Variants in LINGO2 observed in about 807,000 individuals in gnomAD.
LINGO2 encodes leucine rich repeat and Ig domain containing 2, also known as leucine-rich repeat and immunoglobulin-like domain-containing nogo receptor-interacting protein 2.
A neutral mutation model predicts 30.6 loss-of-function variants in LINGO2; 14 were observed. The ratio of observed to expected loss-of-function variants is 0.46; its 90% CI spans 0.30 to 0.72. The LOEUF is 0.72. Among genes scored for constraint, LINGO2 ranks in the 30% least tolerant of loss-of-function variants. The probability of loss-of-function intolerance (pLI) is 0.07; values close to 1 mark genes in which losing one functional copy is unlikely to be tolerated. For missense variants in LINGO2, 729 were observed against 751.7 expected, an observed-to-expected ratio of 0.97 and a Z score of 0.35; for synonymous variants, 317 against 288.5, an observed-to-expected ratio of 1.10 and a Z score of -1.00.
chr9:28,280,620 G>T (rs1024058046), intron 4 of LINGO2, among the ~76,000 whole-genome samples: 11 of 152,076 alleles, frequency 7.2e-5, no homozygotes, highest in African/African-American at 2.2e-4. Context: ...TTGGGGTAGA[G>T]GTAAAACATC....
chr9:28,839,836 C>T, the LINGO2 span, among the ~76,000 whole-genome samples: 98 of 152,152 alleles, frequency 6.4e-4, no homozygotes, highest in African/African-American at 2.3e-3. Context: ...AGGCTATCTG[C>T]CTCCTGCTGG....
intron 4 of LINGO2, among the ~76,000 whole-genome samples, chr9:28,039,959 A>G (rs1022304767): frequency 2.6e-5 from 4 of 152,044 alleles, no homozygotes; most frequent in Non-Finnish European, 5.9e-5. Context: ...TCCTCTATAC[A>G]TTTGCCACTC....
At chr9:28,057,330 G>A (rs1265924667) in intron 4 of LINGO2, among the ~76,000 whole-genome samples, 4 of 151,268 alleles carry the variant, frequency 2.6e-5, no homozygotes. Context: ...ATGATAATGT[G>A]TATTGTAAAT....
the LINGO2 span, among the ~76,000 whole-genome samples, chr9:28,959,837 G>C: frequency 1.3e-5 from 2 of 152,134 alleles, no homozygotes; most frequent in African/African-American, 4.8e-5. Context: ...GGATGTTAGA[G>C]CTCAGACTTT....
the LINGO2 span, among the ~76,000 whole-genome samples, chr9:29,159,220 G>C: frequency 6.6e-6 from 1 of 152,130 alleles, no homozygotes; most frequent in African/African-American, 2.4e-5. Context: ...AAAATAAATA[G>C]GTTGGCACTA....
the LINGO2 span, among the ~76,000 whole-genome samples, chr9:28,718,186 A>C: frequency 6.6e-5 from 10 of 151,930 alleles, no homozygotes; most frequent in Admixed American, 2.0e-4. Context: ...AGGAAAAAAA[A>C]AAACAAACCA....
At chr9:29,210,325 A>C in the LINGO2 span, among the ~76,000 whole-genome samples, 1 of 152,212 alleles carries the variant, frequency 6.6e-6, no homozygotes, top group Non-Finnish European at 1.5e-5. Context: ...TCATATACAC[A>C]GAGTCTTAAT....
At chr9:28,886,935 C>G in the LINGO2 span, among the ~76,000 whole-genome samples, 1 of 152,060 alleles carries the variant, frequency 6.6e-6, no homozygotes, top group African/African-American at 2.4e-5. Flanking sequence ...ATTAGAGATG[C>G]AGGCTTTTAA....
intron 4 of LINGO2, among the ~76,000 whole-genome samples, chr9:28,138,568 T>C (rs1827581846): frequency 1.3e-5 from 2 of 152,226 alleles, no homozygotes; most frequent in South Asian, 4.1e-4. Context: ...CAGTCTTTGA[T>C]TAAAGAATTA....
chr9:28,001,612 A>G (rs1401947040), intron 5 of LINGO2, among the ~76,000 whole-genome samples: 3 of 152,198 alleles, frequency 2.0e-5, no homozygotes. Context: ...TATTGTTGCA[A>G]GTCTTTCAGA....
chr9:28,622,001 C>G (rs899054000), intron 1 of LINGO2, among the ~76,000 whole-genome samples: 2 of 151,962 alleles, frequency 1.3e-5, no homozygotes, highest in Non-Finnish European at 2.9e-5. Context: ...TATTCCGTTA[C>G]TAGGAATTTA....
At chr9:28,445,396 C>T (rs1824381653) in intron 2 of LINGO2, among the ~76,000 whole-genome samples, 2 of 152,142 alleles carry the variant, frequency 1.3e-5, no homozygotes, top group Non-Finnish European at 2.9e-5. Context: ...TGCTCATCTT[C>T]CGCAGATCAA....
In LINGO2 at chr9:27,953,494, G is replaced by A. The variant is rs554090747; in HGVS notation, c.-35-2788C>T. ...TGTGTCCCCACCCAAATCTCATCTG[G>A]AATTATAATTCCCATAATCCCCACA... On this transcript the variant is annotated intron_variant, in intron 5 of 5. Transcript: ENST00000379992. 2.2e-4 allele frequency among the ~76,000 whole-genome samples: 33 copies of A among 152,020 alleles called. 1 individual carries two copies. The highest frequency in any genetic ancestry group is 3.4e-3 in the Middle Eastern group (1 of 294).
At chr9:28,663,833 A>G (rs920194401) in intron 1 of LINGO2, among the ~76,000 whole-genome samples, 2 of 152,140 alleles carry the variant, frequency 1.3e-5, no homozygotes, top group Admixed American at 1.3e-4. Flanking sequence ...GAAAAAATGC[A>G]TAAGGATTAG....
At chr9:28,243,057 G>C (rs1213837573) in intron 4 of LINGO2, among the ~76,000 whole-genome samples, 1 of 152,080 alleles carries the variant, frequency 6.6e-6, no homozygotes, top group Non-Finnish European at 1.5e-5. Flanking sequence ...TGAAGAAACA[G>C]CATCAACTAG....
the LINGO2 span, among the ~76,000 whole-genome samples, chr9:29,206,213 T>C: frequency 6.6e-6 from 1 of 152,216 alleles, no homozygotes; most frequent in Non-Finnish European, 1.5e-5. Flanking sequence ...GTACATGATA[T>C]ATTGCTAGAG....
chr9:28,425,421 C>T (rs1823369634), intron 2 of LINGO2, among the ~76,000 whole-genome samples: 1 of 151,314 alleles, frequency 6.6e-6, no homozygotes, highest in South Asian at 2.1e-4. Flanking sequence ...TTATAATATT[C>T]ATTTTAGAAA....
the LINGO2 span, among the ~76,000 whole-genome samples, chr9:28,828,548 G>A: frequency 4.3e-4 from 65 of 151,710 alleles, no homozygotes; most frequent in African/African-American, 1.5e-3. Flanking sequence ...TCAAGGAAGT[G>A]CTAAATTTGA....
At chr9:28,651,829 T>C (rs1278035346) in intron 1 of LINGO2, among the ~76,000 whole-genome samples, 2 of 152,172 alleles carry the variant, frequency 1.3e-5, no homozygotes, top group Non-Finnish European at 2.9e-5. Context: ...GAAACATCCA[T>C]TTAATTCTTC....
Sources: gnomAD v4.1 joint callset for allele counts (sites outside exome capture counted in the v4.1 genomes callset) on GRCh38, gnomAD v4.1.1 for gene constraint, MANE v1.5 for transcripts, NCBI Gene and HGNC (gene_info 2026-07-23, HGNC 2026-07-21) for gene names.